Variants in TDP1 observed in about 807,000 individuals in gnomAD.
The protein encoded by TDP1 is tyrosyl-DNA phosphodiesterase 1, also known as tyr-DNA phosphodiesterase 1.
Under a neutral mutation model 81.5 loss-of-function variants are expected in TDP1, and 64 were observed. The observed-to-expected ratio is 0.79, with a 90% CI of 0.64 to 0.97. The LOEUF is 0.97. Ranked by LOEUF, TDP1 falls within the 50% of genes least tolerant of loss-of-function variation. TDP1 has a pLI of 0.00. For missense variants in TDP1, 723 were observed against 743.8 expected (o/e 0.97, Z 0.33); for synonymous variants, 256 against 264.3 (o/e 0.97, Z 0.30).
At chr14:90,001,020 A>G (rs1399703157) in intron 14 of TDP1, among the ~76,000 whole-genome samples, 1 of 152,242 alleles carries the variant, frequency 6.6e-6, no homozygotes, top group East Asian at 1.9e-4. Flanking sequence ...CCTAATCTTA[A>G]AAAATCTCAT....
chr14:89,963,798 G>C (rs1892616391), intron 3 of TDP1, 125 bp downstream of exon 3: 1 of 1,152,764 alleles, frequency 8.7e-7, no homozygotes, highest in Non-Finnish European at 1.3e-6. Context: ...CTACTTTCAG[G>C]AAAAAAATTC....
intron 7 of TDP1, chr14:89,980,092 A>G (rs933467873): frequency 1.1e-6 from 1 of 918,298 alleles, no homozygotes; most frequent in Non-Finnish European, 1.3e-6. Context: ...ACAAAATTTC[A>G]TGAACCAGTA....
At chr14:90,019,746 G>C (rs562283038) in intron 15 of TDP1, among the ~76,000 whole-genome samples, 1 of 152,184 alleles carries the variant, frequency 6.6e-6, no homozygotes, top group South Asian at 2.1e-4. Context: ...AGTCACCAAA[G>C]GAATGGCCCA....
At chr14:90,034,626 A>G (rs1474740317) in intron 16 of TDP1, among the ~76,000 whole-genome samples, 1 of 152,244 alleles carries the variant, frequency 6.6e-6, no homozygotes, top group Non-Finnish European at 1.5e-5. Context: ...TATATAATCA[A>G]GACACACTTA....
chr14:89,987,018 T>C lies in TDP1; in HGVS notation c.1131+1808T>C, dbSNP rs1297231485. ...TAATTATCAAAGCAGGAAATGCAGA[T>C]CAGTCTTCTGCAGTGTTTTAGCTGG... On this transcript the variant is annotated intron_variant, in intron 10 of 16. Coordinates refer to ENST00000335725, the MANE Select transcript of TDP1 (RefSeq NM_018319.4). The C allele has an allele frequency of 2.0e-5, 3 of 152,264 alleles. No individual in the cohort carries two copies. The East Asian group carries it at 5.8e-4, about 29-fold the overall frequency. The allele number at this position is 152,264 out of a possible 1,614,324, so 9.4% of individuals were successfully genotyped here. A position where few individuals can be genotyped will look rare whatever the true frequency, so the allele number is the denominator to read the frequency against.
At chr14:89,973,063 T>G (rs1219200512) in intron 6 of TDP1, among the ~76,000 whole-genome samples, 2 of 147,540 alleles carry the variant, frequency 1.4e-5, no homozygotes, top group South Asian at 4.1e-4. Flanking sequence ...TCAATCTTGT[T>G]AGTTTAAACA....
At chr14:89,998,303 A>C (rs997122183) in intron 14 of TDP1, among the ~76,000 whole-genome samples, 1 of 143,702 alleles carries the variant, frequency 7.0e-6, no homozygotes, top group Non-Finnish European at 1.5e-5. Context: ...GGTTTAGGTT[A>C]TTGTTTTTAA....
intron 12 of TDP1, among the ~76,000 whole-genome samples, chr14:89,990,547 CTTTTTTTTTTTTT>C (rs34248681): frequency 4.9e-5 from 5 of 102,408 alleles, no homozygotes; most frequent in Admixed American, 3.2e-4. Context: ...TGTATTAGCC[CTTTTTTTTTTTTT>C]TTTTTTTTTT....
intron 6 of TDP1, among the ~76,000 whole-genome samples, chr14:89,972,489 GGTTATTGCC>G (rs747125734): frequency 1.6e-4 from 24 of 152,068 alleles, no homozygotes; most frequent in Non-Finnish European, 2.6e-4. Context: ...GCCAAGAAAC[GGTTATTGCC>G]CAGTTTCTTT....
At position 90,036,841 on chromosome 14, in the gene TDP1, G is replaced by A. The variant is rs372721778; in HGVS notation, c.1753+3627G>A. On this transcript the variant is annotated intron_variant, in intron 16 of 16. Coordinates refer to ENST00000335725, the MANE Select transcript of TDP1 (RefSeq NM_018319.4). ...TAAAAAAAAAAAAAGATAGGGTCTC[G>A]CTCTGTCACCTAGGCTGGACTGCAG... Among the ~76,000 whole-genome samples the A allele has an allele frequency of 3.8e-4, 49 of 129,734 alleles. No individual in the cohort carries two copies. In the East Asian group the frequency reaches 9.4e-3, roughly 25 times the overall value. The allele number at this position is 129,734 out of a possible 152,430, so 85.1% of individuals were successfully genotyped here.
chr14:89,956,923 C>T (rs926879023), intron 2 of TDP1, 123 bp downstream of exon 2: 4 of 152,222 alleles, frequency 2.6e-5, no homozygotes, highest in Non-Finnish European at 5.9e-5. Context: ...AAATCGGACT[C>T]CCCTTCTTAA....
chr14:90,004,473 C>G (rs1897469201), intron 14 of TDP1, among the ~76,000 whole-genome samples: 1 of 152,180 alleles, frequency 6.6e-6, no homozygotes, highest in South Asian at 2.1e-4. Flanking sequence ...AAATTGGGAG[C>G]TAGGTACTGC....
intron 14 of TDP1, among the ~76,000 whole-genome samples, chr14:90,017,206 G>T (rs1489511938): frequency 6.6e-6 from 1 of 151,586 alleles, no homozygotes; most frequent in African/African-American, 2.4e-5. Flanking sequence ...CATGACGGGC[G>T]TGTGTGTGCA....
At chr14:90,017,572 C>T (rs1253966512) in intron 14 of TDP1, among the ~76,000 whole-genome samples, 6 of 152,148 alleles carry the variant, frequency 3.9e-5, no homozygotes, top group Admixed American at 3.9e-4. Flanking sequence ...TAAGAAAACA[C>T]AACTCATGGG....
At chr14:89,989,442 G>T in intron 11 of TDP1, 1 of 982,192 alleles carries the variant, frequency 1.0e-6, no homozygotes, top group Non-Finnish European at 1.2e-6. Context: ...ATTATTTAGA[G>T]AACTGTGAAT....
intron 4 of TDP1, chr14:89,967,030 A>G (rs974980096): frequency 3.8e-5 from 37 of 984,488 alleles, no homozygotes; most frequent in Non-Finnish European, 4.2e-5. Context: ...AAAGGGATAA[A>G]TTTATAAATC....
intron 5 of TDP1, chr14:89,970,834 T>A (rs7160458): frequency 0.17 from 109,450 of 657,296 alleles, 14,380 homozygotes; most frequent in African/African-American, 0.56. Context: ...TTAATTAATT[T>A]ATTTATTTAT....
chr14:89,976,285 G>A (rs1268506059), intron 7 of TDP1, among the ~76,000 whole-genome samples: 3 of 151,242 alleles, frequency 2.0e-5, no homozygotes, highest in South Asian at 2.1e-4. Flanking sequence ...TTTTTGTAGA[G>A]ACAGGGGTCT....
chr14:89,970,111 C>T (rs912869080), intron 5 of TDP1, among the ~76,000 whole-genome samples: 1 of 151,770 alleles, frequency 6.6e-6, no homozygotes, highest in Non-Finnish European at 1.5e-5. Context: ...CTCCTGACCT[C>T]GTGATCTGCC....
Sources: allele counts gnomAD v4.1 joint callset (sites outside exome capture counted in the v4.1 genomes callset), GRCh38; gene constraint gnomAD v4.1.1; transcripts MANE v1.5; gene names NCBI Gene and HGNC (gene_info 2026-07-23, HGNC 2026-07-21).